The following PDE10A variants were observed in gnomAD, a reference collection of about 807,000 sequenced individuals.
PDE10A encodes the protein phosphodiesterase 10A.
In PDE10A, 39 loss-of-function variants were observed where a neutral mutation model predicts 97.7. The ratio of observed to expected loss-of-function variants is 0.40; its 90% CI spans 0.31 to 0.52. PDE10A has a LOEUF of 0.52. Among genes scored for constraint, PDE10A ranks in the 20% least tolerant of loss-of-function variants. The pLI is 0.56. For missense variants in PDE10A, 731 were observed against 1,047.8 expected (o/e 0.70, Z 4.17); for synonymous variants, 371 against 376.8 (o/e 0.98, Z 0.18).
chr6:165,630,573 G>C (rs914601742), intron 1 of PDE10A, among the ~76,000 whole-genome samples: 2 of 152,182 alleles, frequency 1.3e-5, no homozygotes, highest in Admixed American at 6.5e-5. Context: ...TTGTCTCCGG[G>C]GTAGAGACAA....
At chr6:165,735,709 T>C (rs1224868345) in intron 1 of PDE10A, among the ~76,000 whole-genome samples, 1 of 152,136 alleles carries the variant, frequency 6.6e-6, no homozygotes, top group Non-Finnish European at 1.5e-5. Context: ...TCTGATTGGA[T>C]GAGGCCCACG....
At chr6:165,633,901 T>C (rs1235620000) in intron 1 of PDE10A, among the ~76,000 whole-genome samples, 1 of 152,164 alleles carries the variant, frequency 6.6e-6, no homozygotes, top group Admixed American at 6.6e-5. Flanking sequence ...CCATAATAGA[T>C]ATTTTTGAAG....
intron 1 of PDE10A, among the ~76,000 whole-genome samples, chr6:165,669,621 A>G (rs1249117667): frequency 1.3e-5 from 2 of 152,186 alleles, no homozygotes; most frequent in African/African-American, 4.8e-5. Context: ...ACTTGACTCC[A>G]GGTATCCAGT....
chr6:165,507,833 G>C (rs1781288060), intron 2 of PDE10A, among the ~76,000 whole-genome samples: 2 of 151,900 alleles, frequency 1.3e-5, no homozygotes, highest in Non-Finnish European at 2.9e-5. Flanking sequence ...ATATTTTAAA[G>C]TCTTATCAAG....
chr6:165,511,456 T>A lies in PDE10A; in HGVS notation c.995-29113A>T, dbSNP rs563535143. Among the ~76,000 whole-genome samples the A allele has an allele frequency of 2.0e-5, 3 of 152,156 alleles. No individual in the cohort carries two copies. The East Asian group carries it at 5.8e-4, about 29-fold the overall frequency. On this transcript the variant is annotated intron_variant, in intron 2 of 21. Coordinates refer to ENST00000539869, the MANE Select transcript of PDE10A (RefSeq NM_001385079.1). ...CTAACATGTGGTATATCCTGAAGAC[T>A]GTTCCATGTGCTGATGAGAAGAATG... is the stretch of plus-strand genomic sequence containing the variant.
Position 165,607,808 on chromosome 6 carries a change from A to G in PDE10A, c.865+54139T>C, listed in dbSNP as rs368827268. 2.2e-4 allele frequency among the ~76,000 whole-genome samples: 34 copies of G among 152,224 alleles called. No individual in the cohort carries two copies. In the East Asian group the frequency reaches 6.6e-3, roughly 29 times the overall value. Reference sequence around the variant, plus strand: ...CAGCATCAACTTTAGACAGCTCTACATCACCTGTGTATCTGCTACAATCCA... The same window carrying G: ...CAGCATCAACTTTAGACAGCTCTACGTCACCTGTGTATCTGCTACAATCCA... On this transcript the variant is annotated intron_variant, in intron 1 of 21. Coordinates refer to ENST00000539869, the MANE Select transcript of PDE10A (RefSeq NM_001385079.1).
chr6:165,348,165 A>C (rs1477857373), intron 18 of PDE10A, among the ~76,000 whole-genome samples: 1 of 152,222 alleles, frequency 6.6e-6, no homozygotes, highest in South Asian at 2.1e-4. Context: ...GATAACAAAA[A>C]TAAGAGAAAT....
chr6:165,986,143 G>A (rs1221735118), intron 1 of PDE10A: 1 of 152,876 alleles, frequency 6.5e-6, no homozygotes, highest in South Asian at 2.1e-4. Flanking sequence ...CCAGGCAGTG[G>A]GTTCCTCCTC....
intron 2 of PDE10A, among the ~76,000 whole-genome samples, chr6:165,542,711 C>A (rs574958018): frequency 6.7e-6 from 1 of 150,256 alleles, no homozygotes; most frequent in Admixed American, 6.6e-5. Flanking sequence ...CTCCGCCTCC[C>A]GGGTTCACGC....
At chr6:165,699,151 TATATC>T (rs958272756) in intron 1 of PDE10A, among the ~76,000 whole-genome samples, 9 of 152,178 alleles carry the variant, frequency 5.9e-5, no homozygotes, top group African/African-American at 2.2e-4. Context: ...ATGAAAAAGA[TATATC>T]ATAGTAAATA....
intron 12 of PDE10A, among the ~76,000 whole-genome samples, chr6:165,414,070 G>C (rs1394604815): frequency 6.6e-6 from 1 of 152,156 alleles, no homozygotes; most frequent in Non-Finnish European, 1.5e-5. Context: ...TCGTGTTTAT[G>C]AGAGATATAA....
chr6:165,678,817 CAT>C (rs1783193879), intron 1 of PDE10A, among the ~76,000 whole-genome samples: 2 of 152,192 alleles, frequency 1.3e-5, no homozygotes, highest in African/African-American at 4.8e-5. Flanking sequence ...TTCTTTTTAA[CAT>C]GTGGCAGAAA....
chr6:165,697,628 T>C (rs1005320498), intron 1 of PDE10A, among the ~76,000 whole-genome samples: 22 of 152,164 alleles, frequency 1.4e-4, no homozygotes, highest in Non-Finnish European at 2.5e-4. Flanking sequence ...AAAAGTACTA[T>C]ACAAGTTCAT....
intron 1 of PDE10A, among the ~76,000 whole-genome samples, chr6:165,888,582 C>A (rs746380774): frequency 6.6e-5 from 10 of 152,192 alleles, no homozygotes; most frequent in East Asian, 1.9e-4. Context: ...CCGCACCTGG[C>A]CTGCTTTTTT....
chr6:165,910,508 T>A (rs979774617), intron 1 of PDE10A, among the ~76,000 whole-genome samples: 1 of 152,316 alleles, frequency 6.6e-6, no homozygotes, highest in African/African-American at 2.4e-5. Context: ...ACTGCCAGAA[T>A]AAAAACTATA....
intron 10 of PDE10A, among the ~76,000 whole-genome samples, chr6:165,422,892 ATATT>A (rs1170930593): frequency 2.6e-5 from 4 of 152,080 alleles, no homozygotes; most frequent in African/African-American, 9.7e-5. Context: ...ATATATAAAA[ATATT>A]TATATATCTA....
At chr6:165,726,947 AGGAAGAT>A (rs1465736729) in intron 1 of PDE10A, among the ~76,000 whole-genome samples, 1 of 152,190 alleles carries the variant, frequency 6.6e-6, no homozygotes, top group African/African-American at 2.4e-5. Flanking sequence ...AACAGCATAA[AGGAAGAT>A]GGATGGGCCG....
intron 1 of PDE10A, among the ~76,000 whole-genome samples, chr6:165,727,276 G>A (rs554745304): frequency 2.0e-5 from 3 of 152,356 alleles, no homozygotes; most frequent in African/African-American, 7.2e-5. Flanking sequence ...AAAGACGGGC[G>A]CCAGATTTCC....
chr6:165,426,466 A>G (rs1348836903), intron 10 of PDE10A, among the ~76,000 whole-genome samples: 1 of 152,174 alleles, frequency 6.6e-6, no homozygotes, highest in East Asian at 1.9e-4. Flanking sequence ...CATCATATAC[A>G]AAAGTTAACT....
Sources: gnomAD v4.1 joint callset for allele counts (sites outside exome capture counted in the v4.1 genomes callset) on GRCh38, gnomAD v4.1.1 for gene constraint, MANE v1.5 for transcripts, NCBI Gene and HGNC (gene_info 2026-07-23, HGNC 2026-07-21) for gene names.